CNTNAP5: variants seen among roughly 807,000 people sequenced by gnomAD.
The protein encoded by CNTNAP5 is contactin-associated protein-like 5.
CNTNAP5 carries 72 observed loss-of-function variants against 150.2 expected under a neutral mutation model. That is an observed-to-expected ratio of 0.48 (90% CI 0.40 to 0.58). The LOEUF is 0.58. Among genes scored for constraint, CNTNAP5 ranks in the 20% least tolerant of loss-of-function variants. CNTNAP5 has a pLI of 0.00. For missense variants in CNTNAP5, 1,636 were observed against 1,626.2 expected (o/e 1.01, Z -0.10); for synonymous variants, 672 against 619.8 (o/e 1.08, Z -1.25).
At chr2:124,362,959 T>TA (rs1268240961) in intron 3 of CNTNAP5, among the ~76,000 whole-genome samples, 1 of 152,180 alleles carries the variant, frequency 6.6e-6, no homozygotes, top group East Asian at 1.9e-4. Flanking sequence ...CCATACCTAC[T>TA]ATGAGTCAGT....
At chr2:124,195,165 A>T (rs766003108) in intron 1 of CNTNAP5, among the ~76,000 whole-genome samples, 3 of 152,242 alleles carry the variant, frequency 2.0e-5, no homozygotes, top group Non-Finnish European at 2.9e-5. Context: ...CTCTGGCAAA[A>T]GCAAGAAGCT....
chr2:124,200,588 C>G (rs964124034), intron 1 of CNTNAP5, among the ~76,000 whole-genome samples: 1 of 152,112 alleles, frequency 6.6e-6, no homozygotes, highest in Non-Finnish European at 1.5e-5. Flanking sequence ...ATGCACAATA[C>G]AGTATTCACT....
intron 19 of CNTNAP5, among the ~76,000 whole-genome samples, chr2:124,803,717 C>T (rs1682021376): frequency 1.3e-5 from 2 of 152,186 alleles, no homozygotes; most frequent in South Asian, 4.1e-4. Flanking sequence ...TGAACTGCGA[C>T]ATTTTATATT....
chr2:124,301,769 C>A (rs1458738675), intron 3 of CNTNAP5, among the ~76,000 whole-genome samples: 1 of 152,158 alleles, frequency 6.6e-6, no homozygotes, highest in Non-Finnish European at 1.5e-5. Flanking sequence ...TGACTAATTT[C>A]TGGATCCACC....
chr2:124,448,156 T>C (rs899825093), intron 6 of CNTNAP5, among the ~76,000 whole-genome samples: 10 of 151,986 alleles, frequency 6.6e-5, no homozygotes, highest in African/African-American at 1.4e-4. Flanking sequence ...TAGTTCCTGA[T>C]ACTCAGGAGG....
At chr2:124,854,950 T>C (rs887052792) in intron 19 of CNTNAP5, among the ~76,000 whole-genome samples, 1 of 152,100 alleles carries the variant, frequency 6.6e-6, no homozygotes, top group African/African-American at 2.4e-5. Context: ...GGCAAGTAGG[T>C]GTTTTCAGCT....
chr2:124,601,161 A>C (rs1247218096), intron 11 of CNTNAP5, among the ~76,000 whole-genome samples: 1 of 152,176 alleles, frequency 6.6e-6, no homozygotes, highest in Admixed American at 6.5e-5. Flanking sequence ...GAGAGAAAAC[A>C]TGTATGGTTG....
chr2:124,795,636 G>A (rs1182825231), intron 18 of CNTNAP5, among the ~76,000 whole-genome samples: 1 of 152,076 alleles, frequency 6.6e-6, no homozygotes, highest in Non-Finnish European at 1.5e-5. Context: ...TCCTGTCTTG[G>A]CCTCCCCAGT....
At chr2:124,196,482 G>A (rs1685590544) in intron 1 of CNTNAP5, among the ~76,000 whole-genome samples, 1 of 152,168 alleles carries the variant, frequency 6.6e-6, no homozygotes, top group Non-Finnish European at 1.5e-5. Flanking sequence ...TGTACGATTA[G>A]CAATTCCTAA....
At chr2:124,112,065 T>A (rs1180437586) in intron 1 of CNTNAP5, among the ~76,000 whole-genome samples, 2 of 152,228 alleles carry the variant, frequency 1.3e-5, no homozygotes, top group African/African-American at 4.8e-5. Flanking sequence ...GTTTCATGTG[T>A]TCTCCCAAGC....
intron 6 of CNTNAP5, among the ~76,000 whole-genome samples, chr2:124,451,201 C>CAAAGT (rs1692973288): frequency 6.7e-6 from 1 of 149,706 alleles, no homozygotes; most frequent in Non-Finnish European, 1.5e-5. Context: ...AGGCATTTTA[C>CAAAGT]AAAGTACAAA....
At chr2:124,585,144 A>T (rs1696500038) in intron 11 of CNTNAP5, among the ~76,000 whole-genome samples, 1 of 152,142 alleles carries the variant, frequency 6.6e-6, no homozygotes, top group Admixed American at 6.5e-5. Context: ...TCTCACTCAC[A>T]CTGCAGGATG....
At chr2:124,304,654 C>G (rs988949709) in intron 3 of CNTNAP5, among the ~76,000 whole-genome samples, 1 of 152,048 alleles carries the variant, frequency 6.6e-6, no homozygotes, top group African/African-American at 2.4e-5. Context: ...GAGACAAGAA[C>G]AGTGATGAGA....
At chr2:124,376,490 A>G (rs1319346405) in intron 3 of CNTNAP5, among the ~76,000 whole-genome samples, 1 of 152,150 alleles carries the variant, frequency 6.6e-6, no homozygotes, top group Non-Finnish European at 1.5e-5. Context: ...CTGCTAAGAT[A>G]AAAGTTTTTC....
In CNTNAP5 at chr2:124,917,542, T is replaced by A. The variant is rs920718512; in HGVS notation, c.*3254T>A. Among the ~76,000 whole-genome samples, 1 of 152,072 alleles carries A rather than the reference T, an allele frequency of 6.6e-6. No homozygotes were observed. Among genetic ancestry groups the A allele is most frequent in the Non-Finnish European group, 1.5e-5 (1 of 67,998 alleles). On this transcript the variant is annotated 3_prime_UTR_variant, in exon 24 of 24. Transcript: ENST00000682447. The stretch of plus-strand genomic sequence containing the variant: ...TGCTGTATGCAGAAGATTTTAAGGA[T>A]CCTAGCGGTGATGTTTTAAAACAAC...
intron 1 of CNTNAP5, among the ~76,000 whole-genome samples, chr2:124,214,215 T>C (rs781376109): frequency 6.6e-5 from 10 of 152,164 alleles, no homozygotes; most frequent in Non-Finnish European, 1.5e-4. Context: ...GTTATGCTTA[T>C]GGGGTTTAGG....
chr2:124,573,892 G>A, intron 11 of CNTNAP5, among the ~76,000 whole-genome samples: 1 of 152,028 alleles, frequency 6.6e-6, no homozygotes, highest in East Asian at 1.9e-4. Flanking sequence ...ATTGTTATGT[G>A]GATTAAAGGC....
intron 12 of CNTNAP5, among the ~76,000 whole-genome samples, chr2:124,616,228 G>A (rs1677491145): frequency 1.3e-5 from 2 of 152,126 alleles, no homozygotes; most frequent in African/African-American, 4.8e-5. Flanking sequence ...ATCTTAGATG[G>A]CACCTATTGC....
intron 3 of CNTNAP5, among the ~76,000 whole-genome samples, chr2:124,288,435 G>C (rs1688208307): frequency 6.6e-6 from 1 of 152,260 alleles, no homozygotes; most frequent in Admixed American, 6.5e-5. Context: ...AATTGAAAGA[G>C]CCCAATCTAA....
Sources: allele counts gnomAD v4.1 joint callset (sites outside exome capture counted in the v4.1 genomes callset), GRCh38; gene constraint gnomAD v4.1.1; transcripts MANE v1.5; gene names NCBI Gene and HGNC (gene_info 2026-07-23, HGNC 2026-07-21).